Variants in ATP10B observed in about 807,000 individuals in gnomAD.
The protein encoded by ATP10B is phospholipid-transporting ATPase VB.
ATP10B carries 122 observed loss-of-function variants against 141.2 expected under a neutral mutation model. The observed-to-expected ratio is 0.86, with a 90% confidence interval of 0.75 to 1.00. The LOEUF is 1.00. ATP10B is among the 50% of genes least tolerant of loss of function. The pLI is 0.00. For missense variants in ATP10B, 1,876 were observed against 1,825.3 expected, an observed-to-expected ratio of 1.03 and a Z score of -0.51; for synonymous variants, 685 against 692.0, an observed-to-expected ratio of 0.99 and a Z score of 0.16.
chr5:160,692,499 A>AC (rs2127751969), intron 3 of ATP10B: 1 of 152,302 alleles, frequency 6.6e-6, no homozygotes, highest in Non-Finnish European at 1.5e-5. Flanking sequence ...CTAGATCCTG[A>AC]CCATTTGCTT....
intron 1 of ATP10B, among the ~76,000 whole-genome samples, chr5:160,795,636 A>G (rs1771891492): frequency 6.6e-6 from 1 of 151,778 alleles, no homozygotes; most frequent in Non-Finnish European, 1.5e-5. Context: ...TTTTGAGTTG[A>G]GAGGATCATC....
the ATP10B span, among the ~76,000 whole-genome samples, chr5:160,892,090 T>G: frequency 6.6e-6 from 1 of 152,244 alleles, no homozygotes. Flanking sequence ...TTAATGATTT[T>G]TTTCTTTTAT....
intron 1 of ATP10B, among the ~76,000 whole-genome samples, chr5:160,814,560 T>G (rs1181388010): frequency 6.7e-6 from 1 of 148,820 alleles, no homozygotes; most frequent in African/African-American, 2.4e-5. Context: ...GAAAACCCTC[T>G]GCAGGATATT....
rs544515303 is a variant in ATP10B, at chr5:160,703,954, C to T, written c.-205+12955G>A. On this transcript the variant is annotated intron_variant, in intron 3 of 25. Transcript: ENST00000327245. Reference sequence around the variant, plus strand: ...TACGTTTTCATCAGAGCTCTTAGGTCACCAGGGGCAGTGTTAAGGAGTAGT... The same window carrying T: ...TACGTTTTCATCAGAGCTCTTAGGTTACCAGGGGCAGTGTTAAGGAGTAGT... Among the ~76,000 whole-genome samples the T allele has an allele frequency of 2.0e-5, 3 of 152,300 alleles. No individual in the cohort carries two copies. The South Asian group carries it at 6.2e-4, about 32-fold the overall frequency.
intron 2 of ATP10B, among the ~76,000 whole-genome samples, chr5:160,757,906 C>T (rs149167221): frequency 6.6e-6 from 1 of 152,186 alleles, no homozygotes; most frequent in African/African-American, 2.4e-5. Flanking sequence ...TGGCCTCTAC[C>T]CATGAGATGC....
intron 2 of ATP10B, among the ~76,000 whole-genome samples, chr5:160,773,844 T>A (rs1478463335): frequency 6.6e-6 from 1 of 151,834 alleles, no homozygotes; most frequent in African/African-American, 2.4e-5. Context: ...CCTGACCTCC[T>A]AGCTCCTTTG....
chr5:160,774,065 A>G (rs893828191), intron 2 of ATP10B, among the ~76,000 whole-genome samples: 1 of 152,190 alleles, frequency 6.6e-6, no homozygotes, highest in Non-Finnish European at 1.5e-5. Flanking sequence ...CTCTGCAGGT[A>G]GGAAAATGCA....
chr5:160,733,643 T>G (rs1766896323), intron 2 of ATP10B, among the ~76,000 whole-genome samples: 1 of 149,630 alleles, frequency 6.7e-6, no homozygotes. Context: ...GTAACACATA[T>G]GTGTAACACA....
chr5:160,812,636 T>C (rs796280368), intron 1 of ATP10B, among the ~76,000 whole-genome samples: 20 of 152,274 alleles, frequency 1.3e-4, no homozygotes, highest in African/African-American at 4.6e-4. Flanking sequence ...GAGTCTTTAA[T>C]AGCAGAATTG....
chr5:160,844,455 G>A (rs190570712), intron 1 of ATP10B, among the ~76,000 whole-genome samples: 3 of 151,958 alleles, frequency 2.0e-5, no homozygotes, highest in Admixed American at 6.6e-5. Context: ...CCTTAGTGTC[G>A]TAGGAATTTT....
chr5:160,682,690 A>G (rs1763479538), intron 6 of ATP10B, among the ~76,000 whole-genome samples: 1 of 152,118 alleles, frequency 6.6e-6, no homozygotes, highest in Non-Finnish European at 1.5e-5. Flanking sequence ...TGGAAAAAAA[A>G]CAAGACAGTA....
chr5:160,676,764 T>C lies in ATP10B; in HGVS notation c.471-6097A>G, dbSNP rs1293908942. Reference sequence around the variant, plus strand: ...ATATTTTAAATTATTAGCTTACATGTATTGACTACCTATAATGAACCCAGC... The same window carrying C: ...ATATTTTAAATTATTAGCTTACATGCATTGACTACCTATAATGAACCCAGC... On this transcript the variant is annotated intron_variant, in intron 6 of 25. Coordinates refer to ENST00000327245, the MANE Select transcript of ATP10B (RefSeq NM_025153.3). Among the ~76,000 whole-genome samples, 3 of 152,236 alleles carry C rather than the reference T, an allele frequency of 2.0e-5. No homozygotes were observed. In the South Asian group the frequency reaches 6.2e-4, roughly 31 times the overall value.
chr5:160,873,932 C>A, the ATP10B span, among the ~76,000 whole-genome samples: 1 of 152,248 alleles, frequency 6.6e-6, no homozygotes, highest in African/African-American at 2.4e-5. Context: ...TGAGATCAAA[C>A]TGCAAGGCGG....
At position 160,612,849 on chromosome 5, in the gene ATP10B, C is replaced by T; in HGVS notation, c.2730G>A (p.Gln910=). 4 of 1,614,120 alleles carry T rather than the reference C, an allele frequency of 2.5e-6. No homozygotes were observed. Among genetic ancestry groups the T allele is most frequent in the Non-Finnish European group, 3.4e-6 (4 of 1,180,012 alleles). ...TIATLREAGI[Q]LWVLTGDKQE... ...GCTTATCTCCAGTCAGGACCCAGAG[C>T]TGGATCCCAGCCTCCCGCAGAGTGG... Residue 910 remains glutamine, a synonymous_variant, in exon 18 of 26, where the codon CAG becomes CAA. Coordinates refer to ENST00000327245, the MANE Select transcript of ATP10B (RefSeq NM_025153.3).
At chr5:160,797,940 G>GAAAAAAAGAAAAAAAAAAA (rs1772073129) in intron 1 of ATP10B, among the ~76,000 whole-genome samples, 1 of 65,042 alleles carries the variant, frequency 1.5e-5, no homozygotes, top group Non-Finnish European at 3.3e-5. Flanking sequence ...GAAAAGAAAA[G>GAAAAAAAGAAAAAAAAAAA]AAAAAAAGAA....
At chr5:160,648,595 G>A (rs1007468615) in intron 8 of ATP10B, among the ~76,000 whole-genome samples, 1 of 152,218 alleles carries the variant, frequency 6.6e-6, no homozygotes, top group Non-Finnish European at 1.5e-5. Flanking sequence ...AATAGCAGGA[G>A]CCACTGTTAA....
intron 1 of ATP10B, among the ~76,000 whole-genome samples, chr5:160,804,385 G>C (rs963748195): frequency 1.3e-5 from 2 of 152,184 alleles, no homozygotes; most frequent in African/African-American, 4.8e-5. Context: ...GGAATATAGA[G>C]AGTGTTCTAT....
chr5:160,908,289 G>C, the ATP10B span, among the ~76,000 whole-genome samples: 1 of 152,158 alleles, frequency 6.6e-6, no homozygotes, highest in South Asian at 2.1e-4. Context: ...TTGTTTTCCT[G>C]CTTTGGATTC....
the ATP10B span, among the ~76,000 whole-genome samples, chr5:160,891,299 C>T: frequency 2.6e-5 from 4 of 152,138 alleles, no homozygotes; most frequent in Admixed American, 6.5e-5. Flanking sequence ...GGGAGAACAT[C>T]GTAGGTCCCT....
Sources: allele counts gnomAD v4.1 joint callset (sites outside exome capture counted in the v4.1 genomes callset), GRCh38; gene constraint gnomAD v4.1.1; transcripts MANE v1.5; gene names NCBI Gene and HGNC (gene_info 2026-07-23, HGNC 2026-07-21).